The following OOSP4A variants were observed in gnomAD, a reference collection of about 807,000 sequenced individuals.
The protein encoded by OOSP4A is oocyte secreted protein family member 4A, also known as oocyte-secreted protein 4A.
chr11:59,970,137 A>G (rs957880365), exon 5 of OOSP4A: 1 of 397,878 alleles, frequency 2.5e-6, no homozygotes, highest in African/African-American at 2.1e-5. Context: ...AGGCTACCCT[A>G]CTTCACCTGG....
rs1854092590 is a variant in OOSP4A at position 59,965,782 on chromosome 11, A to G, written c.246+69A>G. ...GTTTTGGGTCCACAAACCAATGACT[A>G]AAACTGCAGTATTCACATTTTAATT... On this transcript the variant is annotated intron_variant, in intron 2 of 4. Transcript: ENST00000645590. 3 of 397,632 alleles carry G rather than the reference A, an allele frequency of 7.5e-6. No homozygotes were observed. The East Asian group carries it at 1.1e-4, about 14-fold the overall frequency. The allele number at this position is 397,632 out of a possible 1,614,324, so 24.6% of individuals were successfully genotyped here. A position where few individuals can be genotyped will look rare whatever the true frequency, so the allele number is the denominator to read the frequency against.
At chr11:59,965,818 T>TTAA (rs1854093167) in intron 2 of OOSP4A, 105 bp downstream of exon 2, 3 of 396,732 alleles carry the variant, frequency 7.6e-6, no homozygotes, top group Non-Finnish European at 1.3e-5. Context: ...GTCAGTTAAT[T>TTAA]TAATAGTTCA....
intron 3 of OOSP4A, 98 bp downstream of exon 3, chr11:59,967,262 G>A (rs530142399): frequency 5.1e-6 from 2 of 393,126 alleles, no homozygotes; most frequent in Non-Finnish European, 9.0e-6. Context: ...TGCTAAGGTT[G>A]GACATTGGAT....
At chr11:59,966,820 C>T (rs1395427463) in intron 2 of OOSP4A, among the ~76,000 whole-genome samples, 5 of 152,094 alleles carry the variant, frequency 3.3e-5, no homozygotes, top group African/African-American at 2.4e-5. Context: ...GTTGTCTATG[C>T]AGACTCAAGT....
At chr11:59,965,475 C>A in intron 1 of OOSP4A, 60 bp from the exon 2 acceptor site, 1 of 397,880 alleles carries the variant, frequency 2.5e-6, no homozygotes, top group Non-Finnish European at 4.4e-6. Flanking sequence ...TTCCTGAGTT[C>A]TTTGTTTGGG....
At chr11:59,970,302 T>C (rs1413036651), downstream of OOSP4A, among the ~76,000 whole-genome samples, 1 of 152,204 alleles carries the variant, frequency 6.6e-6, no homozygotes, top group African/African-American at 2.4e-5. Context: ...AAGCCTTCCC[T>C]TCCCAGATTT....
chr11:59,965,686 TCTAA>T lies in OOSP4A; in HGVS notation c.222_225del (p.Thr75PhefsTer6). ...TGGATTTCTTTGGGTTCCTGTATCT[TCTAA>T]CTTTTTGTGGCATCAGAGTGAGCGT... is the stretch of plus-strand genomic sequence containing the variant. On this transcript the variant is annotated frameshift_variant, in exon 2 of 5. Transcript: ENST00000645590. LOFTEE classifies it high-confidence loss of function. 5.0e-6 allele frequency: 2 copies of T among 398,516 alleles called. No homozygotes were observed. Among genetic ancestry groups the T allele is most frequent in the East Asian group, 7.1e-5 (2 of 28,066 alleles). 24.7% of individuals were successfully genotyped at this position (398,516 alleles called of 1,614,324 possible). A position where few individuals can be genotyped will look rare whatever the true frequency, so the allele number is the denominator to read the frequency against.
intron 1 of OOSP4A, among the ~76,000 whole-genome samples, 173 bp downstream of exon 1, chr11:59,964,272 C>T (rs777705519): frequency 1.3e-5 from 2 of 151,706 alleles, no homozygotes; most frequent in Non-Finnish European, 2.9e-5. Flanking sequence ...TATCTTTACC[C>T]CTGTACTTCC....
chr11:59,965,804 A>G, intron 2 of OOSP4A, 91 bp downstream of exon 2: 1 of 397,050 alleles, frequency 2.5e-6, no homozygotes, highest in Non-Finnish European at 4.4e-6. Context: ...TTCACATTTT[A>G]ATTGTCAGTT....
intron 3 of OOSP4A, among the ~76,000 whole-genome samples, chr11:59,968,910 G>C (rs190365467): frequency 5.9e-5 from 9 of 152,216 alleles, no homozygotes; most frequent in African/African-American, 2.2e-4. Flanking sequence ...TGTGAAATTG[G>C]CTTCAGGTCA....
intron 4 of OOSP4A, 125 bp downstream of exon 4, chr11:59,969,409 G>C: frequency 2.5e-6 from 1 of 395,846 alleles, no homozygotes; most frequent in Non-Finnish European, 4.5e-6. Context: ...TTTTAGTTCA[G>C]GATCATTGGA....
chr11:59,965,495 AC>A, intron 1 of OOSP4A, 39 bp from the exon 2 acceptor site: 2 of 398,272 alleles, frequency 5.0e-6, no homozygotes, highest in Admixed American at 8.8e-5. Context: ...GGGCAGACGT[AC>A]TATTTGATGT....
At chr11:59,964,452 AGAG>A (rs1288602598) in intron 1 of OOSP4A, among the ~76,000 whole-genome samples, 3 of 152,056 alleles carry the variant, frequency 2.0e-5, no homozygotes, top group African/African-American at 7.2e-5. Context: ...AGTGCCTAAG[AGAG>A]GAGGTTACCT....
At chr11:59,964,138 A>G in intron 1 of OOSP4A, 39 bp downstream of exon 1, 1 of 388,074 alleles carries the variant, frequency 2.6e-6, no homozygotes. Flanking sequence ...GGCAATTTCA[A>G]TCAGCAGGGC....
chr11:59,966,625 A>C (rs1291318031), intron 2 of OOSP4A, among the ~76,000 whole-genome samples: 2 of 152,074 alleles, frequency 1.3e-5, no homozygotes, highest in Admixed American at 1.3e-4. Context: ...ACAGGCATGC[A>C]CCACCACACC....
At chr11:59,965,199 A>G (rs1166557329) in intron 1 of OOSP4A, among the ~76,000 whole-genome samples, 3 of 151,504 alleles carry the variant, frequency 2.0e-5, no homozygotes, top group Non-Finnish European at 4.4e-5. Context: ...CTAATGTTAA[A>G]TGACGAGTTA....
At position 59,968,794 on chromosome 11, in the gene OOSP4A, C is replaced by T. The variant is rs929587658; in HGVS notation, c.345-356C>T. 7.2e-5 allele frequency among the ~76,000 whole-genome samples: 11 copies of T among 152,326 alleles called. 1 individual carries two copies. The South Asian group carries it at 8.3e-4, about 11-fold the overall frequency. On this transcript the variant is annotated intron_variant, in intron 3 of 4. Transcript: ENST00000645590. The stretch of plus-strand genomic sequence containing the variant: ...TTATCCCTCTGTCATAGGCTAAGAA[C>T]TCAGAACTGCATGCCTCTAATCATT...
intron 3 of OOSP4A, 83 bp from the exon 4 acceptor site, chr11:59,969,067 T>C: frequency 2.5e-6 from 1 of 396,378 alleles, no homozygotes; most frequent in East Asian, 3.6e-5. Flanking sequence ...TTTAATTTAG[T>C]TTTTCTCCAC....
chr11:59,966,471 A>C (rs1355951817), intron 2 of OOSP4A, among the ~76,000 whole-genome samples: 2 of 148,532 alleles, frequency 1.3e-5, no homozygotes, highest in Non-Finnish European at 3.0e-5. Flanking sequence ...TCAGACTCTG[A>C]CTCTTTTTTT....
Sources: allele counts gnomAD v4.1 joint callset (sites outside exome capture counted in the v4.1 genomes callset), GRCh38; gene constraint gnomAD v4.1.1; transcripts MANE v1.5; gene names NCBI Gene and HGNC (gene_info 2026-07-23, HGNC 2026-07-21).